The following CDH4 variants were observed in gnomAD, a reference collection of about 807,000 sequenced individuals.
The protein encoded by CDH4 is cadherin-4.
A neutral mutation model predicts 86.0 loss-of-function variants in CDH4; 33 were observed. That is an observed-to-expected ratio of 0.38 (90% CI 0.29 to 0.51). CDH4 has a LOEUF of 0.51. Among genes scored for constraint, CDH4 ranks in the 20% least tolerant of loss-of-function variants. CDH4 has a pLI of 0.86. For missense variants in CDH4, 1,114 were observed against 1,307.4 expected, an observed-to-expected ratio of 0.85 and a Z score of 2.28; for synonymous variants, 555 against 549.4, an observed-to-expected ratio of 1.01 and a Z score of -0.14.
chr20:61,396,619 G>A (rs567121462), intron 2 of CDH4, among the ~76,000 whole-genome samples: 29 of 151,980 alleles, frequency 1.9e-4, no homozygotes, highest in South Asian at 8.3e-4. Flanking sequence ...GACCTGGCCC[G>A]GCTTCCTTGG....
At chr20:61,930,401 C>T (rs546486694) in intron 13 of CDH4, among the ~76,000 whole-genome samples, 46 of 152,214 alleles carry the variant, frequency 3.0e-4, no homozygotes, top group African/African-American at 6.5e-4. Context: ...GGCGGGGGGG[C>T]GGTGCCAGGG....
At chr20:61,846,390 C>T (rs1193871927) in intron 5 of CDH4, among the ~76,000 whole-genome samples, 1 of 152,210 alleles carries the variant, frequency 6.6e-6, no homozygotes, top group Non-Finnish European at 1.5e-5. Flanking sequence ...TGCTGGCTCC[C>T]AAAACGGGCT....
intron 5 of CDH4, among the ~76,000 whole-genome samples, chr20:61,850,904 C>T (rs750446531): frequency 7.9e-4 from 121 of 152,370 alleles, no homozygotes; most frequent in African/African-American, 2.5e-3. Flanking sequence ...CGGGCAGAGG[C>T]GGTATTTCCT....
chr20:61,438,098 G>C (rs2085295184), intron 2 of CDH4, among the ~76,000 whole-genome samples: 1 of 152,186 alleles, frequency 6.6e-6, no homozygotes, highest in African/African-American at 2.4e-5. Flanking sequence ...GCTATCGTCT[G>C]CCACCCTGAA....
chr20:61,920,079 A>ATCGGAAGCGTGGTGTTG (rs2054955565), intron 9 of CDH4, among the ~76,000 whole-genome samples: 4 of 3,142 alleles, frequency 1.3e-3, no homozygotes, highest in Admixed American at 3.2e-3. Flanking sequence ...GCGTGGTGTC[A>ATCGGAAGCGTGGTGTTG]CGGTGATTGC....
At chr20:61,434,696 C>T (rs1265980957) in intron 2 of CDH4, 1 of 152,100 alleles carries the variant, frequency 6.6e-6, no homozygotes, top group Non-Finnish European at 1.5e-5. Context: ...AGGCCTCGCC[C>T]CACCTCCTCC....
intron 2 of CDH4, among the ~76,000 whole-genome samples, chr20:61,605,939 G>T (rs1001781758): frequency 2.0e-5 from 3 of 151,216 alleles, no homozygotes; most frequent in African/African-American, 4.9e-5. Flanking sequence ...AAGCTGGTAA[G>T]TCAAGGACCT....
At chr20:61,430,173 C>G (rs1600971620) in intron 2 of CDH4, among the ~76,000 whole-genome samples, 1 of 152,238 alleles carries the variant, frequency 6.6e-6, no homozygotes, top group Non-Finnish European at 1.5e-5. Flanking sequence ...GGTGCCATCT[C>G]TCTTGCAACA....
intron 2 of CDH4, among the ~76,000 whole-genome samples, chr20:61,704,261 G>A (rs1462915068): frequency 6.6e-6 from 1 of 152,090 alleles, no homozygotes; most frequent in Non-Finnish European, 1.5e-5. Flanking sequence ...AGGAAACCCA[G>A]CTCCTTCCCA....
Position 61,625,448 on chromosome 20 carries a change from GT to G in CDH4, c.170-118114del, listed in dbSNP as rs201317143. 8.3e-3 allele frequency among the ~76,000 whole-genome samples: 1,258 copies of G among 152,176 alleles called. 13 individuals are homozygous for G. Among genetic ancestry groups the G allele is most frequent in the African/African-American group, 0.029 (1,215 of 41,518 alleles). On this transcript the variant is annotated intron_variant, in intron 2 of 15. Transcript: ENST00000614565. ...GCGTCCACAGTTTTGAGCAGTCTGC[GT>G]GATAGTTTGTTCCAAAGAGCGCATG...
intron 15 of CDH4, among the ~76,000 whole-genome samples, chr20:61,936,082 C>T (rs541161365): frequency 1.5e-4 from 23 of 152,120 alleles, no homozygotes; most frequent in Non-Finnish European, 2.8e-4. Context: ...ACACCCACGG[C>T]ACTGCCAAAG....
intron 2 of CDH4, among the ~76,000 whole-genome samples, chr20:61,258,111 C>T (rs547630248): frequency 2.6e-5 from 4 of 152,004 alleles, no homozygotes; most frequent in African/African-American, 7.2e-5. Context: ...GGGTGGATCA[C>T]GAGGTCAGGA....
chr20:61,720,595 A>T (rs984068771), intron 2 of CDH4, among the ~76,000 whole-genome samples: 3 of 95,152 alleles, frequency 3.2e-5, no homozygotes, highest in Non-Finnish European at 6.1e-5. Flanking sequence ...AGGGGTGTAC[A>T]GTGCAGGGGT....
intron 2 of CDH4, among the ~76,000 whole-genome samples, chr20:61,488,630 G>A (rs2085609164): frequency 6.6e-6 from 1 of 152,296 alleles, no homozygotes; most frequent in East Asian, 1.9e-4. Context: ...TGAACATGGA[G>A]AGACAAAAGA....
intron 2 of CDH4, among the ~76,000 whole-genome samples, chr20:61,298,914 A>G (rs1429292289): frequency 2.0e-5 from 3 of 152,160 alleles, no homozygotes; most frequent in Non-Finnish European, 4.4e-5. Context: ...AAATGCTCTA[A>G]AAGAACAGAG....
At chr20:61,667,458 G>T (rs1409926622) in intron 2 of CDH4, among the ~76,000 whole-genome samples, 2 of 152,222 alleles carry the variant, frequency 1.3e-5, no homozygotes, top group African/African-American at 4.8e-5. Context: ...AAAGTGACTT[G>T]GGACTCAAAG....
Position 61,934,169 on chromosome 20 carries a change from G to A in CDH4, c.2493G>A (p.Pro831=), listed in dbSNP as rs143526387. 2.3e-4 allele frequency: 375 copies of A among 1,605,636 alleles called. No individual in the cohort carries two copies. The highest frequency in any genetic ancestry group is 5.3e-4 in the African/African-American group (40 of 74,918). The change falls in exon 15 of 16, where the codon CCG becomes CCA. Residue 831 remains proline, a synonymous_variant. Coordinates refer to ENST00000614565, the MANE Select transcript of CDH4 (RefSeq NM_001794.5). ...CGGTGGGCGCTGAGCCCCAGTACCC[G>A]ATCAGGCCCATGGTGCCGCACCCAG... ...ERPVGAEPQY[P]IRPMVPHPGD...
chr20:61,474,028 T>C (rs1173318624), intron 2 of CDH4, among the ~76,000 whole-genome samples: 1 of 152,154 alleles, frequency 6.6e-6, no homozygotes, highest in Non-Finnish European at 1.5e-5. Flanking sequence ...TAGATGACTC[T>C]GGCTTACTGT....
intron 2 of CDH4, among the ~76,000 whole-genome samples, chr20:61,258,145 T>A (rs1313710034): frequency 6.6e-6 from 1 of 151,688 alleles, no homozygotes; most frequent in Non-Finnish European, 1.5e-5. Flanking sequence ...CTGGCTAACA[T>A]GGTGAAACCC....
Sources: allele counts gnomAD v4.1 joint callset (sites outside exome capture counted in the v4.1 genomes callset), GRCh38; gene constraint gnomAD v4.1.1; transcripts MANE v1.5; gene names NCBI Gene and HGNC (gene_info 2026-07-23, HGNC 2026-07-21).